Variants in LURAP1L observed in about 807,000 individuals in gnomAD.
The protein encoded by LURAP1L is leucine rich adaptor protein 1 like.
In LURAP1L, 12 loss-of-function variants were observed where a neutral mutation model predicts 13.8. That is an observed-to-expected ratio of 0.87 (90% CI 0.56 to 1.41). LURAP1L has a LOEUF of 1.41. LURAP1L is among the 40% of genes most tolerant of loss of function. LURAP1L has a pLI of 0.00. For missense variants in LURAP1L, 375 were observed against 292.9 expected (o/e 1.28, Z -2.04); for synonymous variants, 139 against 119.2 (o/e 1.17, Z -1.08).
At chr9:12,776,723 A>C (rs928393918) in intron 1 of LURAP1L, among the ~76,000 whole-genome samples, 1 of 152,166 alleles carries the variant, frequency 6.6e-6, no homozygotes, top group Non-Finnish European at 1.5e-5. Context: ...GCTAAGGACC[A>C]TCTCCCACCC....
intron 1 of LURAP1L, among the ~76,000 whole-genome samples, chr9:12,779,682 T>C (rs1021735385): frequency 2.0e-5 from 3 of 152,136 alleles, no homozygotes; most frequent in African/African-American, 7.2e-5. Flanking sequence ...CAGGATGAGG[T>C]CAGAATCTGA....
In LURAP1L at chr9:12,808,173, T is replaced by A. The variant is rs1410211166; in HGVS notation, c.313-13213T>A. ...TTTTCTTTCCTAATGCTCTTCCATT[T>A]TTTTTAATACAGATCTGAGTTTCTG... On this transcript the variant is annotated intron_variant, in intron 1 of 1. Transcript: ENST00000319264. 2.6e-5 allele frequency among the ~76,000 whole-genome samples: 4 copies of A among 152,088 alleles called. No individual in the cohort carries two copies. In the East Asian group the frequency reaches 7.7e-4, roughly 29 times the overall value.
chr9:12,818,854 C>T (rs921175803), intron 1 of LURAP1L, among the ~76,000 whole-genome samples: 12 of 152,112 alleles, frequency 7.9e-5, no homozygotes, highest in African/African-American at 2.2e-4. Flanking sequence ...TGATATTCTG[C>T]CATGGCTTAT....
chr9:12,820,662 C>A (rs979926011), intron 1 of LURAP1L, among the ~76,000 whole-genome samples: 7 of 152,110 alleles, frequency 4.6e-5, no homozygotes, highest in Non-Finnish European at 7.3e-5. Context: ...CACTTCGTCT[C>A]ATAAATTGGA....
At chr9:12,782,706 C>T (rs1198196254) in intron 1 of LURAP1L, among the ~76,000 whole-genome samples, 1 of 152,060 alleles carries the variant, frequency 6.6e-6, no homozygotes, top group African/African-American at 2.4e-5. Flanking sequence ...TATTCAGGTT[C>T]TTTTCTGATC....
chr9:12,816,651 T>G (rs1819808116), intron 1 of LURAP1L, among the ~76,000 whole-genome samples: 1 of 152,238 alleles, frequency 6.6e-6, no homozygotes, highest in Non-Finnish European at 1.5e-5. Context: ...TATTTTCTCC[T>G]TCAAGATTCC....
At position 12,822,701 on chromosome 9, in the gene LURAP1L, A is replaced by T. The variant is rs1819898083; in HGVS notation, c.*941A>T. ...TTATTCATTTAAGAAGTCTAATATG[A>T]TATACATTCATCCTAGTATAAATAA... On this transcript the variant is annotated 3_prime_UTR_variant, in exon 2 of 2. Coordinates refer to ENST00000319264, the MANE Select transcript of LURAP1L (RefSeq NM_203403.2). 1.3e-5 allele frequency among the ~76,000 whole-genome samples: 2 copies of T among 152,186 alleles called. No homozygotes were observed. The highest frequency in any genetic ancestry group is 4.8e-5 in the African/African-American group (2 of 41,458).
intron 1 of LURAP1L, among the ~76,000 whole-genome samples, chr9:12,799,027 T>C (rs146203109): frequency 7.8e-4 from 119 of 152,314 alleles, no homozygotes; most frequent in African/African-American, 2.8e-3. Flanking sequence ...TCAGAAAATG[T>C]TCATAGAATA....
In LURAP1L at chr9:12,818,060, C is replaced by G. The variant is rs188144839; in HGVS notation, c.313-3326C>G. On this transcript the variant is annotated intron_variant, in intron 1 of 1. Coordinates refer to ENST00000319264, the MANE Select transcript of LURAP1L (RefSeq NM_203403.2). ...TCATTATCAACCAGATCAACACGTT[C>G]TAACTGACTTGCTTGTGTCGTTTTT... 2.6e-4 allele frequency among the ~76,000 whole-genome samples: 39 copies of G among 150,234 alleles called. No homozygotes were observed. In the East Asian group the frequency reaches 6.9e-3, roughly 27 times the overall value.
At chr9:12,784,351 A>T (rs1364151867) in intron 1 of LURAP1L, among the ~76,000 whole-genome samples, 1 of 152,146 alleles carries the variant, frequency 6.6e-6, no homozygotes, top group Non-Finnish European at 1.5e-5. Context: ...GAAGGCTTTA[A>T]AGAAGTATTT....
intron 1 of LURAP1L, among the ~76,000 whole-genome samples, chr9:12,800,581 C>A (rs1819571906): frequency 6.6e-6 from 1 of 151,842 alleles, no homozygotes; most frequent in African/African-American, 2.4e-5. Context: ...AAATCTCTTA[C>A]TCATTTGTTG....
chr9:12,776,135 G>A (rs1301015686), intron 1 of LURAP1L, 108 bp downstream of exon 1: 1 of 1,147,012 alleles, frequency 8.7e-7, no homozygotes, highest in Non-Finnish European at 1.3e-6. Flanking sequence ...GCAGAGCGGA[G>A]CGCTGGGCGC....
chr9:12,796,672 C>T (rs866519293), intron 1 of LURAP1L, among the ~76,000 whole-genome samples: 5 of 151,826 alleles, frequency 3.3e-5, no homozygotes, highest in Non-Finnish European at 7.4e-5. Flanking sequence ...TTTTCTTTTG[C>T]CAACTGAATA....
At chr9:12,796,849 G>A (rs1207861328) in intron 1 of LURAP1L, among the ~76,000 whole-genome samples, 6 of 149,006 alleles carry the variant, frequency 4.0e-5, no homozygotes, top group Non-Finnish European at 8.9e-5. Flanking sequence ...AGTTACTTGA[G>A]TAACTTGCTT....
intron 1 of LURAP1L, among the ~76,000 whole-genome samples, chr9:12,814,974 G>T (rs1819784394): frequency 6.6e-6 from 1 of 152,146 alleles, no homozygotes; most frequent in African/African-American, 2.4e-5. Flanking sequence ...GAAAGCTTTG[G>T]TGGAAGGAAC....
At chr9:12,795,876 C>T (rs560109773) in intron 1 of LURAP1L, among the ~76,000 whole-genome samples, 1 of 151,970 alleles carries the variant, frequency 6.6e-6, no homozygotes, top group African/African-American at 2.4e-5. Flanking sequence ...CTGTTGATTA[C>T]TGAGGAATGA....
At position 12,775,835 on chromosome 9, in the gene LURAP1L, G is replaced by C; in HGVS notation, c.120G>C (p.Arg40Ser). ...GEEPVPRERD[R>S]DPCGGSGGGG... is the part of the protein sequence containing the mutation. ...AGCCGGTTCCCAGGGAAAGGGACAG[G>C]GACCCCTGCGGGGGGAGCGGTGGTG... Residue 40 changes from arginine to serine, a missense_variant, in exon 1 of 2, where the codon AGG becomes AGC. Transcript: ENST00000319264. 6.2e-7 allele frequency: 1 copy of C among 1,601,906 alleles called. No homozygotes were observed. Among genetic ancestry groups the C allele is most frequent in the Admixed American group, 1.7e-5 (1 of 57,338 alleles).
intron 1 of LURAP1L, among the ~76,000 whole-genome samples, chr9:12,795,830 T>C (rs987799990): frequency 1.3e-5 from 2 of 152,064 alleles, no homozygotes; most frequent in East Asian, 1.9e-4. Flanking sequence ...TTAAGGGATG[T>C]TGTACTTTTG....
At chr9:12,785,545 G>A (rs1227526980) in intron 1 of LURAP1L, among the ~76,000 whole-genome samples, 1 of 152,116 alleles carries the variant, frequency 6.6e-6, no homozygotes, top group Non-Finnish European at 1.5e-5. Flanking sequence ...TCTGACTTCT[G>A]GCATAGAAAA....
Sources: allele counts gnomAD v4.1 joint callset (sites outside exome capture counted in the v4.1 genomes callset), GRCh38; gene constraint gnomAD v4.1.1; transcripts MANE v1.5; gene names NCBI Gene and HGNC (gene_info 2026-07-23, HGNC 2026-07-21).